The following ARHGAP24 variants were observed in gnomAD, a reference collection of about 807,000 sequenced individuals.
The protein encoded by ARHGAP24 is rho GTPase-activating protein 24.
A neutral mutation model predicts 76.4 loss-of-function variants in ARHGAP24; 50 were observed. The observed-to-expected ratio is 0.65, with a 90% CI of 0.52 to 0.83. The LOEUF is 0.83. ARHGAP24 is among the 40% of genes least tolerant of loss of function. ARHGAP24 has a pLI of 0.00. For missense variants in ARHGAP24, 930 were observed against 914.2 expected, an observed-to-expected ratio of 1.02 and a Z score of -0.22; for synonymous variants, 345 against 323.3, an observed-to-expected ratio of 1.07 and a Z score of -0.72.
intron 5 of ARHGAP24, among the ~76,000 whole-genome samples, chr4:85,958,555 T>C (rs1365992750): frequency 2.0e-5 from 3 of 152,240 alleles, no homozygotes; most frequent in African/African-American, 7.2e-5. Flanking sequence ...ATAAGTAAGA[T>C]ACCTATAAGA....
chr4:85,924,548 T>C (rs758463116), intron 4 of ARHGAP24: 4 of 152,122 alleles, frequency 2.6e-5, no homozygotes, highest in African/African-American at 9.7e-5. Flanking sequence ...TTAAAATAAA[T>C]TGTGTTAGGT....
At chr4:85,976,688 CT>C (rs1739347187) in intron 7 of ARHGAP24, among the ~76,000 whole-genome samples, 1 of 151,766 alleles carries the variant, frequency 6.6e-6, no homozygotes, top group African/African-American at 2.4e-5. Context: ...ATGCCTCTTA[CT>C]TTTTAGCACC....
At chr4:85,744,225 C>T (rs915593958) in intron 3 of ARHGAP24, among the ~76,000 whole-genome samples, 1 of 152,116 alleles carries the variant, frequency 6.6e-6, no homozygotes, top group Non-Finnish European at 1.5e-5. Context: ...TTGTAAGACC[C>T]TTGAGTACTT....
chr4:85,851,305 A>C (rs183373663), intron 3 of ARHGAP24, among the ~76,000 whole-genome samples: 3 of 152,240 alleles, frequency 2.0e-5, no homozygotes. Context: ...TGCTTGGTAG[A>C]TCTTCCTCTG....
chr4:85,615,171 C>T (rs1337377111), intron 2 of ARHGAP24, among the ~76,000 whole-genome samples: 1 of 151,918 alleles, frequency 6.6e-6, no homozygotes, highest in Non-Finnish European at 1.5e-5. Context: ...AAACATTTAT[C>T]TCTTGATTTG....
intron 1 of ARHGAP24, among the ~76,000 whole-genome samples, chr4:85,505,519 T>C (rs773562019): frequency 4.6e-5 from 7 of 152,228 alleles, no homozygotes; most frequent in Non-Finnish European, 8.8e-5. Context: ...AAATTGGCTA[T>C]TGAAGCTTGT....
chr4:85,760,047 T>G (rs1726676410), intron 3 of ARHGAP24, among the ~76,000 whole-genome samples: 1 of 127,464 alleles, frequency 7.8e-6, no homozygotes, highest in African/African-American at 2.5e-5. Context: ...GAACTTTTTT[T>G]CCTTATTTCT....
chr4:85,553,087 C>T (rs2128095), intron 1 of ARHGAP24, among the ~76,000 whole-genome samples: 130,440 of 151,728 alleles, frequency 0.86, 58,905 homozygotes, highest in Non-Finnish European at 0.98. Flanking sequence ...TCGCAGTGAG[C>T]ATTACAGTTC....
At chr4:85,519,730 C>T (rs1560517724) in intron 1 of ARHGAP24, among the ~76,000 whole-genome samples, 1 of 152,150 alleles carries the variant, frequency 6.6e-6, no homozygotes, top group Non-Finnish European at 1.5e-5. Flanking sequence ...CTCGTGTCAG[C>T]TTGCTGTAGG....
intron 3 of ARHGAP24, among the ~76,000 whole-genome samples, chr4:85,759,780 T>C (rs538756106): frequency 5.3e-5 from 8 of 152,274 alleles, no homozygotes; most frequent in African/African-American, 1.9e-4. Flanking sequence ...ACAAGTTGAT[T>C]GTTAGCTTGA....
intron 2 of ARHGAP24, among the ~76,000 whole-genome samples, chr4:85,691,060 C>T (rs1016085169): frequency 2.0e-4 from 31 of 151,852 alleles, no homozygotes; most frequent in African/African-American, 6.8e-4. Flanking sequence ...TTTTCATTAG[C>T]TTCAAATAAT....
chr4:85,822,380 A>G (rs972237996), intron 3 of ARHGAP24, among the ~76,000 whole-genome samples: 5 of 152,180 alleles, frequency 3.3e-5, no homozygotes, highest in African/African-American at 1.2e-4. Flanking sequence ...GAAGATTTAC[A>G]TTGAGGACCC....
chr4:85,478,520 C>G (rs1722689517), intron 1 of ARHGAP24, among the ~76,000 whole-genome samples: 2 of 152,260 alleles, frequency 1.3e-5, no homozygotes, highest in South Asian at 2.1e-4. Context: ...AAAGCAGCAT[C>G]TACACTCCAC....
intron 3 of ARHGAP24, among the ~76,000 whole-genome samples, chr4:85,916,582 A>G (rs768327414): frequency 3.3e-5 from 5 of 152,194 alleles, no homozygotes; most frequent in Admixed American, 6.5e-5. Context: ...AATGACAATT[A>G]AATGACATAA....
At chr4:85,881,310 T>C (rs1053972482) in intron 3 of ARHGAP24, among the ~76,000 whole-genome samples, 1 of 152,186 alleles carries the variant, frequency 6.6e-6, no homozygotes, top group Non-Finnish European at 1.5e-5. Context: ...CTTGTGAAAT[T>C]TTTCTTTTAA....
intron 2 of ARHGAP24, among the ~76,000 whole-genome samples, chr4:85,706,078 A>T (rs570157690): frequency 7.2e-5 from 11 of 152,342 alleles, no homozygotes; most frequent in African/African-American, 2.6e-4. Context: ...TAGAACTTAA[A>T]AAAGATCGGA....
intron 3 of ARHGAP24, among the ~76,000 whole-genome samples, chr4:85,791,306 A>G (rs553215816): frequency 1.3e-5 from 2 of 152,336 alleles, no homozygotes; most frequent in South Asian, 2.1e-4. Flanking sequence ...ATACTATAAC[A>G]TATTCAGATT....
chr4:85,507,670 C>T (rs1033207066), intron 1 of ARHGAP24, among the ~76,000 whole-genome samples: 6 of 152,174 alleles, frequency 3.9e-5, no homozygotes, highest in Admixed American at 1.3e-4. Flanking sequence ...TGACTCCTCA[C>T]TTCTTCACCG....
At chr4:85,745,138 G>A (rs1482508975) in intron 3 of ARHGAP24, among the ~76,000 whole-genome samples, 1 of 151,908 alleles carries the variant, frequency 6.6e-6, no homozygotes, top group Non-Finnish European at 1.5e-5. Context: ...AAGGAGAGAA[G>A]CTTATAAATT....
Sources: allele counts gnomAD v4.1 joint callset (sites outside exome capture counted in the v4.1 genomes callset), GRCh38; gene constraint gnomAD v4.1.1; transcripts MANE v1.5; gene names NCBI Gene and HGNC (gene_info 2026-07-23, HGNC 2026-07-21).